Variants in MPO observed in about 807,000 individuals in gnomAD.
MPO encodes myeloperoxidase.
MPO carries 57 observed loss-of-function variants against 69.4 expected under a neutral mutation model. The ratio of observed to expected loss-of-function variants is 0.82; its 90% CI spans 0.66 to 1.02. MPO has a LOEUF of 1.02. MPO is among the 50% of genes least tolerant of loss of function. MPO has a pLI of 0.00. For synonymous variants in MPO, 426 were observed against 417.1 expected (o/e 1.02, Z -0.26); for missense variants, 971 against 1,014.1 (o/e 0.96, Z 0.58).
In MPO at chr17:58,279,143, G is replaced by A. The variant is rs144431784; in HGVS notation, c.750C>T (p.Leu250=). The change falls in exon 6 of 12, where the codon CTC becomes CTT. Residue 250 remains leucine (L), a synonymous_variant. Transcript: ENST00000225275. ...ACAGCTGGCCCCATTGCATGAACAT[G>A]AGTGAGCGCTCCTGGTCCGGAGTCA... ...DQLTPDQERS[L]MFMQWGQLLD... The A allele has an allele frequency of 4.3e-6, 7 of 1,612,902 alleles. No individual in the cohort carries two copies. Among genetic ancestry groups the A allele is most frequent in the Non-Finnish European group, 5.9e-6 (7 of 1,179,498 alleles).
chr17:58,270,764 G>A lies in MPO; in HGVS notation c.2130C>T (p.Thr710=). Residue 710 remains threonine, a synonymous_variant, in exon 12 of 12, where the codon ACC becomes ACT. Transcript: ENST00000225275. This position sits in a 1 kb window ranked among gnomAD's most constrained non-coding sequence, Gnocchi z 4.1. ...TGAAGATGTTGTTCTTAGACACGGT[G>A]GTGATGCCTGTGTTGTCGCAGATGA... ...PRIICDNTGI[T]TVSKNNIFMS... The A allele has an allele frequency of 1.2e-6, 2 of 1,614,136 alleles. No homozygotes were observed. The highest frequency in any genetic ancestry group is 1.7e-6 in the Non-Finnish European group (2 of 1,179,966).
In MPO at chr17:58,280,841, C is replaced by T. The variant is rs1598044115; in HGVS notation, c.-83G>A. 3 of 1,539,098 alleles carry T rather than the reference C, an allele frequency of 1.9e-6. No homozygotes were observed. The East Asian group carries it at 7.0e-5, about 36-fold the overall frequency. ...CCTGTCTATGGATAAAGCCAGACCT[C>T]CTTGAGGGAGGGGCTCACTGCTCTC... is the stretch of plus-strand genomic sequence containing the variant. On this transcript the variant is annotated 5_prime_UTR_variant, in exon 1 of 12. Transcript: ENST00000225275.
At chr17:58,279,722 T>C in intron 3 of MPO, 76 bp from the exon 4 acceptor site, 1 of 1,613,348 alleles carries the variant, frequency 6.2e-7, no homozygotes. Context: ...TGAGGAGCCC[T>C]GGAGACTCCT....
chr17:58,274,789 C>T (rs1403270821), intron 8 of MPO, among the ~76,000 whole-genome samples: 1 of 151,840 alleles, frequency 6.6e-6, no homozygotes, highest in Admixed American at 6.6e-5. Context: ...CACTGCACTC[C>T]AGCCTGGGCA....
chr17:58,275,584 C>G lies in MPO; in HGVS notation c.1323G>C (p.Arg441Ser). 8 of 1,614,142 alleles carry G rather than the reference C, an allele frequency of 5.0e-6. No individual in the cohort carries two copies. The highest frequency in any genetic ancestry group is 6.8e-6 in the Non-Finnish European group (8 of 1,180,008). The part of the protein sequence containing the change: ...KSLNPRWDGE[R>S]LYQEARKIVG... Reference sequence around the variant, plus strand: ...CGATCTTCCGGGCTTCCTGGTAGAGCCTCTCCCCATCCCACCTAGGGTTCA... The same window carrying G: ...CGATCTTCCGGGCTTCCTGGTAGAGGCTCTCCCCATCCCACCTAGGGTTCA... The change falls in exon 8 of 12, where the codon AGG (arginine) becomes AGC (serine). Residue 441 changes from arginine (R) to serine (S), a missense_variant. By Grantham distance (110) the Arg-to-Ser change is moderately radical (BLOSUM62 -1). Transcript: ENST00000225275. The surrounding 1 kb of genome is among the most constrained non-coding windows in gnomAD (Gnocchi z 4.1).
In MPO at chr17:58,280,409, C is replaced by T; in HGVS notation, c.205G>A (p.Ala69Thr). ...TAGGCCTTGTCCACCAGCTGCTTGG[C>T]CTCCTCCATGGAGCTCAGCACCAAC... ...TSLVLSSMEE[A>T]KQLVDKAYKE... is the part of the protein sequence containing the mutation. Residue 69 changes from alanine (A) to threonine (T), a missense_variant, in exon 2 of 12, where the codon GCC becomes ACC. Ala to Thr is a moderately conservative substitution (Grantham distance 58, BLOSUM62 0). Coordinates refer to ENST00000225275, the MANE Select transcript of MPO (RefSeq NM_000250.2). 6.2e-7 allele frequency: 1 copy of T among 1,614,118 alleles called. No homozygotes were observed. Among genetic ancestry groups the T allele is most frequent in the Non-Finnish European group, 8.5e-7 (1 of 1,180,000 alleles).
chr17:58,280,126 G>A, intron 2 of MPO, 112 bp from the exon 3 acceptor site: 2 of 1,404,814 alleles, frequency 1.4e-6, no homozygotes, highest in Non-Finnish European at 2.0e-6. Flanking sequence ...ACGGGTGGGA[G>A]GAAGGCTTCC....
rs770133415 is a variant in MPO, at chr17:58,270,815, G to A, written c.2079C>T (p.Ala693=). Reference sequence around the variant, plus strand: ...TCCGGGGCAATGAGATCTGGGCCAGGGCCTGTCGCTGCTGCATGCTGAACA... The same window carrying A: ...TCCGGGGCAATGAGATCTGGGCCAGAGCCTGTCGCTGCTGCATGCTGAACA... ...EGVFSMQQRQ[A]LAQISLPRII... is the part of the protein sequence containing the mutation. The change falls in exon 12 of 12, where the codon GCC becomes GCT. Residue 693 remains alanine, a synonymous_variant. Transcript: ENST00000225275. This position sits in a 1 kb window ranked among gnomAD's most constrained non-coding sequence, Gnocchi z 4.1. 2 of 1,613,796 alleles carry A rather than the reference G, an allele frequency of 1.2e-6. No individual in the cohort carries two copies.
intron 9 of MPO, 145 bp downstream of exon 9, chr17:58,273,269 G>A (rs1205958729): frequency 3.0e-6 from 4 of 1,317,650 alleles, no homozygotes; most frequent in Non-Finnish European, 4.3e-6. Context: ...AGCAGAGTCA[G>A]AGGAACTGAG....
At position 58,272,800 on chromosome 17, in the gene MPO, C is replaced by T; in HGVS notation, c.1740G>A (p.Gly580=). The change falls in exon 10 of 12, where the codon GGG becomes GGA. Residue 580 remains glycine (G), a synonymous_variant. Transcript: ENST00000225275. ...ERLFEQVMRI[G]LDLPALNMQR... is the part of the protein sequence containing the mutation. ...GCATGTTCAGAGCAGGCAGGTCCAG[C>T]CCAATCCTCATGACCTGCTCAAACA... The T allele has an allele frequency of 1.9e-6, 3 of 1,614,196 alleles. No individual in the cohort carries two copies. The highest frequency in any genetic ancestry group is 2.5e-6 in the Non-Finnish European group (3 of 1,180,048).
In MPO at chr17:58,270,591, A is replaced by G; in HGVS notation, c.*65T>C. On this transcript the variant is annotated 3_prime_UTR_variant, in exon 12 of 12. Coordinates refer to ENST00000225275, the MANE Select transcript of MPO (RefSeq NM_000250.2). This position sits in a 1 kb window ranked among gnomAD's most constrained non-coding sequence, Gnocchi z 4.1. ...GGCTGGGCTCATCTAGGGCAAGGAG[A>G]TCTCCGTGGTTCCAACTGGCCAGCC... is the stretch of plus-strand genomic sequence containing the variant. 6.0e-6 allele frequency: 8 copies of G among 1,343,128 alleles called. No individual in the cohort carries two copies. The highest frequency in any genetic ancestry group is 1.5e-5 in the African/African-American group (1 of 68,962). The allele number at this position is 1,343,128 out of a possible 1,614,324, so 83.2% of individuals were successfully genotyped here.
Position 58,279,965 on chromosome 17 carries a change from A to G in MPO, c.298T>C (p.Ser100Pro). The change falls in exon 3 of 12, where the codon TCC (serine) becomes CCC (proline). Residue 100 changes from serine to proline, a missense_variant. Transcript: ENST00000225275. ...SGSASPMELL[S>P]YFKQPVAATR... ...GCTGCCACCGGCTGCTTGAAGTAGGATAGGAGTTCCATGGGGCTGGCTGAG... is the reference window on the plus strand; with the variant it reads ...GCTGCCACCGGCTGCTTGAAGTAGGGTAGGAGTTCCATGGGGCTGGCTGAG... 6.2e-7 allele frequency: 1 copy of G among 1,613,514 alleles called. No individual in the cohort carries two copies. The highest frequency in any genetic ancestry group is 8.5e-7 in the Non-Finnish European group (1 of 1,179,980).
rs369638284 is a variant in MPO, at chr17:58,270,584, C to T, written c.*72G>A. ...AGAACAGGGCTGGGCTCATCTAGGG[C>T]AAGGAGATCTCCGTGGTTCCAACTG... is the stretch of plus-strand genomic sequence containing the variant. On this transcript the variant is annotated 3_prime_UTR_variant, in exon 12 of 12. Coordinates refer to ENST00000225275, the MANE Select transcript of MPO (RefSeq NM_000250.2). The surrounding 1 kb of genome is among the most constrained non-coding windows in gnomAD (Gnocchi z 4.1). 6 of 1,285,262 alleles carry T rather than the reference C, an allele frequency of 4.7e-6. No homozygotes were observed. Among genetic ancestry groups the T allele is most frequent in the Non-Finnish European group, 5.5e-6 (5 of 904,852 alleles). The allele number at this position is 1,285,262 out of a possible 1,614,324, so 79.6% of individuals were successfully genotyped here. A position where few individuals can be genotyped will look rare whatever the true frequency, so the allele number is the denominator to read the frequency against.
In MPO at chr17:58,270,966, A is replaced by C; in HGVS notation, c.2031-103T>G. 5 of 1,312,396 alleles carry C rather than the reference A, an allele frequency of 3.8e-6. No homozygotes were observed. The highest frequency in any genetic ancestry group is 5.4e-6 in the Non-Finnish European group (5 of 921,840). 81.3% of individuals were successfully genotyped at this position (1,312,396 alleles called of 1,614,324 possible). A position where few individuals can be genotyped will look rare whatever the true frequency, so the allele number is the denominator to read the frequency against. The stretch of plus-strand genomic sequence containing the variant: ...CCAGGATATAACAAAGCCACAACAA[A>C]TGCCACCTGGAAGCACAGGAGGGCC... On this transcript the variant is annotated intron_variant, in intron 11 of 11. Transcript: ENST00000225275. This position sits in a 1 kb window ranked among gnomAD's most constrained non-coding sequence, Gnocchi z 4.1.
At chr17:58,273,706 C>T in intron 8 of MPO, 37 bp from the exon 9 acceptor site, 5 of 1,614,038 alleles carry the variant, frequency 3.1e-6, no homozygotes, top group Non-Finnish European at 4.2e-6. Context: ...TCTCCACCCA[C>T]TCCTCCACAG....
In MPO at chr17:58,279,032, C is replaced by A. The variant is rs370461348; in HGVS notation, c.861G>T (p.Gln287His). ...TGVNCETSCV[Q>H]QPPCFPLKIP... ...CCTTGAGCGGGAAGCAGGGCGGCTG[C>A]TGAACGCAGCTGGTCTCGCAGTTGA... The change falls in exon 6 of 12, where the codon CAG becomes CAT. Residue 287 changes from glutamine (Q) to histidine (H), a missense_variant. Gln to His is a conservative substitution (Grantham distance 24). Transcript: ENST00000225275. 3.1e-6 allele frequency: 5 copies of A among 1,611,390 alleles called. No individual in the cohort carries two copies. In the African/African-American group the frequency reaches 5.3e-5, roughly 17 times the overall value.
chr17:58,273,142 A>C (rs1352004182), intron 9 of MPO, among the ~76,000 whole-genome samples: 2 of 152,150 alleles, frequency 1.3e-5, no homozygotes, highest in African/African-American at 2.4e-5. Context: ...TCAGACTTGC[A>C]AGATTGGGAT....
At position 58,274,958 on chromosome 17, in the gene MPO, A is replaced by G. The variant is rs539680804; in HGVS notation, c.1365+584T>C. On this transcript the variant is annotated intron_variant, in intron 8 of 11. Transcript: ENST00000225275. ...CAGCTCACTGCAAGCTCTGCCTCCCAGGTTCACGCCATTCTCCTGCCTCAG... is the reference window on the plus strand; with the variant it reads ...CAGCTCACTGCAAGCTCTGCCTCCCGGGTTCACGCCATTCTCCTGCCTCAG... 2.6e-5 allele frequency among the ~76,000 whole-genome samples: 4 copies of G among 152,000 alleles called. No individual in the cohort carries two copies. The South Asian group carries it at 8.3e-4, about 32-fold the overall frequency.
rs1970501428 is a variant in MPO at position 58,280,381 on chromosome 17, T to C, written c.233A>G (p.Lys78Arg). The change falls in exon 2 of 12, where the codon AAG becomes AGG. Residue 78 changes from lysine to arginine, a missense_variant. By Grantham distance (26) the Lys-to-Arg change is conservative. Coordinates refer to ENST00000225275, the MANE Select transcript of MPO (RefSeq NM_000250.2). Reference protein sequence around the residue: ...EAKQLVDKAYKERRESIKQRL... With the variant: ...EAKQLVDKAYRERRESIKQRL... Reference sequence around the variant, plus strand: ...CGTGCCCCACCTTTCCCGCCGCTCCTTGTAGGCCTTGTCCACCAGCTGCTT... The same window carrying C: ...CGTGCCCCACCTTTCCCGCCGCTCCCTGTAGGCCTTGTCCACCAGCTGCTT... The C allele has an allele frequency of 6.2e-7, 1 of 1,614,068 alleles. No individual in the cohort carries two copies.
Sources: gnomAD v4.1 joint callset for allele counts (sites outside exome capture counted in the v4.1 genomes callset) on GRCh38, gnomAD v4.1.1 for gene constraint, Gnocchi (gnomAD v3.1) non-coding constraint, MANE v1.5 for transcripts, NCBI Gene and HGNC (gene_info 2026-07-23, HGNC 2026-07-21) for gene names.